Variants in DLG2 observed in about 807,000 individuals in gnomAD.
DLG2 encodes discs large MAGUK scaffold protein 2.
Under a neutral mutation model 132.5 loss-of-function variants are expected in DLG2, and 45 were observed. The observed-to-expected ratio is 0.34, with a 90% CI of 0.27 to 0.44. The LOEUF (loss-of-function observed/expected upper bound fraction) is 0.44. Ranked by LOEUF, DLG2 falls within the 20% of genes least tolerant of loss-of-function variation. The pLI, the probability that DLG2 is intolerant of heterozygous loss-of-function variation, is 1.00. For missense variants in DLG2, 1,045 were observed against 1,196.9 expected, an observed-to-expected ratio of 0.87 and a Z score of 1.87; for synonymous variants, 424 against 419.6, an observed-to-expected ratio of 1.01 and a Z score of -0.13.
chr11:83,596,853 A>T (rs1346003088), intron 19 of DLG2, among the ~76,000 whole-genome samples: 1 of 152,026 alleles, frequency 6.6e-6, no homozygotes, highest in Non-Finnish European at 1.5e-5. Context: ...ATCTATTTCA[A>T]ATGTTTCTTC....
intron 7 of DLG2, among the ~76,000 whole-genome samples, chr11:84,308,909 G>A (rs984414626): frequency 1.3e-5 from 2 of 152,168 alleles, no homozygotes; most frequent in African/African-American, 2.4e-5. Flanking sequence ...GTTCCCGCCC[G>A]CGCCTCTCCC....
intron 18 of DLG2, among the ~76,000 whole-genome samples, chr11:83,650,627 T>C (rs958742739): frequency 2.0e-5 from 3 of 152,176 alleles, no homozygotes; most frequent in African/African-American, 2.4e-5. Context: ...TTCCCAGATA[T>C]GAAAAAAATT....
chr11:84,334,846 G>A (rs931629004), intron 7 of DLG2, among the ~76,000 whole-genome samples: 1 of 152,074 alleles, frequency 6.6e-6, no homozygotes, highest in African/African-American at 2.4e-5. Flanking sequence ...AGGTTTTAGG[G>A]ATGGGTTCCT....
intron 7 of DLG2, among the ~76,000 whole-genome samples, chr11:84,368,969 A>C (rs1322148515): frequency 6.6e-6 from 1 of 152,016 alleles, no homozygotes; most frequent in Non-Finnish European, 1.5e-5. Flanking sequence ...TTTTTTTTGA[A>C]ATTGAAGTTA....
intron 6 of DLG2, among the ~76,000 whole-genome samples, chr11:84,729,000 G>A (rs1374906019): frequency 6.6e-6 from 1 of 151,770 alleles, no homozygotes. Flanking sequence ...TATTAATCTG[G>A]CTAGCAGTCT....
chr11:85,287,440 A>G (rs1163768607), intron 3 of DLG2, among the ~76,000 whole-genome samples: 2 of 152,154 alleles, frequency 1.3e-5, no homozygotes, highest in African/African-American at 4.8e-5. Flanking sequence ...TTGGTGATAA[A>G]AAATACAAAC....
intron 6 of DLG2, among the ~76,000 whole-genome samples, chr11:84,684,847 A>G (rs2099736646): frequency 6.6e-6 from 1 of 152,198 alleles, no homozygotes; most frequent in South Asian, 2.1e-4. Context: ...GCTTCCACTT[A>G]ACGTAATTAT....
chr11:84,836,638 C>T (rs1450974444), intron 6 of DLG2, among the ~76,000 whole-genome samples: 1 of 151,754 alleles, frequency 6.6e-6, no homozygotes, highest in Non-Finnish European at 1.5e-5. Context: ...AGCTTTTGCC[C>T]TCAAGGATCT....
chr11:84,739,242 T>C (rs552976423), intron 6 of DLG2, among the ~76,000 whole-genome samples: 7 of 152,338 alleles, frequency 4.6e-5, no homozygotes, highest in African/African-American at 1.7e-4. Flanking sequence ...TTAGGTGGTT[T>C]AAAACTCAAG....
At chr11:84,980,966 A>G (rs1272222117) in intron 6 of DLG2, among the ~76,000 whole-genome samples, 1 of 152,078 alleles carries the variant, frequency 6.6e-6, no homozygotes, top group Non-Finnish European at 1.5e-5. Context: ...TTGTGCTCTC[A>G]TAGACTCTGG....
intron 6 of DLG2, among the ~76,000 whole-genome samples, chr11:85,043,000 G>T (rs2062007992): frequency 6.6e-6 from 1 of 151,610 alleles, no homozygotes; most frequent in Admixed American, 6.6e-5. Flanking sequence ...AACCATTTCA[G>T]GCATATAATT....
chr11:84,999,355 C>T lies in DLG2; in HGVS notation c.357+112306G>A, dbSNP rs2057996687. 3.9e-5 allele frequency among the ~76,000 whole-genome samples: 6 copies of T among 152,066 alleles called. No homozygotes were observed. The South Asian group carries it at 1.0e-3, about 26-fold the overall frequency. On this transcript the variant is annotated intron_variant, in intron 6 of 27. Transcript: ENST00000376104. ...AAAAATCAAGATGGCAAATTTTCTG[C>T]TTATTACATGTTTTAAAGTTGACTT...
intron 19 of DLG2, 156 bp downstream of exon 19, chr11:83,633,055 C>T: frequency 3.2e-6 from 2 of 618,102 alleles, no homozygotes; most frequent in East Asian, 2.8e-5. Flanking sequence ...ACATTTCAAA[C>T]ATTTATTCCA....
chr11:84,413,451 A>G (rs1273603007), intron 7 of DLG2, among the ~76,000 whole-genome samples: 5 of 152,236 alleles, frequency 3.3e-5, no homozygotes, highest in Non-Finnish European at 7.3e-5. Context: ...CAGCCTTGAG[A>G]GGTTAAAATA....
chr11:84,487,831 CAGGTGAAGAAAA>C (rs1362753446), intron 7 of DLG2, among the ~76,000 whole-genome samples: 1 of 152,050 alleles, frequency 6.6e-6, no homozygotes, highest in East Asian at 1.9e-4. Context: ...AGGATTTCAA[CAGGTGAAGAAAA>C]AGGTGAAGAA....
intron 3 of DLG2, among the ~76,000 whole-genome samples, chr11:85,445,403 C>T (rs983550537): frequency 6.6e-6 from 1 of 152,138 alleles, no homozygotes; most frequent in African/African-American, 2.4e-5. Flanking sequence ...ACTGGCCGGG[C>T]GCGGTGGCTC....
intron 10 of DLG2, among the ~76,000 whole-genome samples, chr11:84,076,380 T>C (rs990212724): frequency 6.6e-6 from 1 of 152,230 alleles, no homozygotes; most frequent in Admixed American, 6.5e-5. Flanking sequence ...TCTGTCTATC[T>C]AGCGCTCACT....
At chr11:85,398,704 T>C (rs925989450) in intron 3 of DLG2, among the ~76,000 whole-genome samples, 1 of 151,902 alleles carries the variant, frequency 6.6e-6, no homozygotes, top group Admixed American at 6.6e-5. Context: ...CCTGGACACA[T>C]ACTCTCCCAA....
intron 19 of DLG2, among the ~76,000 whole-genome samples, chr11:83,545,508 A>G (rs1231436279): frequency 6.6e-6 from 1 of 152,036 alleles, no homozygotes; most frequent in Non-Finnish European, 1.5e-5. Flanking sequence ...AGTGTGCCGG[A>G]CCCAAAGTAG....
Sources: gnomAD v4.1 joint callset for allele counts (sites outside exome capture counted in the v4.1 genomes callset) on GRCh38, gnomAD v4.1.1 for gene constraint, MANE v1.5 for transcripts, NCBI Gene and HGNC (gene_info 2026-07-23, HGNC 2026-07-21) for gene names.